ICA1L: variants seen among roughly 807,000 people sequenced by gnomAD.
ICA1L encodes islet cell autoantigen 1 like, also known as islet cell autoantigen 1-like protein.
ICA1L carries 50 observed loss-of-function variants against 61.3 expected under a neutral mutation model. That is an observed-to-expected ratio of 0.82 (90% CI 0.65 to 1.03). The LOEUF is 1.03. ICA1L is among the 50% of genes least tolerant of loss of function. The pLI is 0.00. For synonymous variants in ICA1L, 161 were observed against 191.3 expected (o/e 0.84, Z 1.31); for missense variants, 508 against 556.7 (o/e 0.91, Z 0.88).
chr2:202,809,731 G>A (rs1170216095), intron 9 of ICA1L, among the ~76,000 whole-genome samples: 4 of 151,986 alleles, frequency 2.6e-5, no homozygotes, highest in African/African-American at 9.7e-5. Flanking sequence ...AGAGGTTGCA[G>A]TGTGCCAAGA....
At chr2:202,790,169 T>TTTG (rs1692703630) in intron 10 of ICA1L, among the ~76,000 whole-genome samples, 1 of 152,152 alleles carries the variant, frequency 6.6e-6, no homozygotes, top group Non-Finnish European at 1.5e-5. Flanking sequence ...GGTCTTTAAA[T>TTTG]TTGTTGTAAT....
intron 9 of ICA1L, among the ~76,000 whole-genome samples, chr2:202,804,208 C>G (rs1231404500): frequency 6.6e-6 from 1 of 152,010 alleles, no homozygotes; most frequent in Non-Finnish European, 1.5e-5. Flanking sequence ...AAGCAACTTC[C>G]TCTTTTCCTA....
intron 1 of ICA1L, among the ~76,000 whole-genome samples, chr2:202,864,627 A>ATATGTGTGTGTG (rs1553539140): frequency 6.7e-6 from 1 of 150,286 alleles, no homozygotes; most frequent in African/African-American, 2.4e-5. Context: ...GTATATATAT[A>ATATGTGTGTGTG]TGTGTGTGTG....
intron 5 of ICA1L, among the ~76,000 whole-genome samples, chr2:202,818,487 G>A (rs1216651941): frequency 1.3e-5 from 2 of 152,146 alleles, no homozygotes; most frequent in Non-Finnish European, 2.9e-5. Context: ...GGGTTTTTAG[G>A]GTCCAGATAG....
intron 9 of ICA1L, among the ~76,000 whole-genome samples, chr2:202,806,412 C>T (rs1219773168): frequency 6.6e-6 from 1 of 152,076 alleles, no homozygotes; most frequent in Non-Finnish European, 1.5e-5. Flanking sequence ...TCAAATCCTT[C>T]CGAAGGCGGA....
chr2:202,818,101 G>A (rs1693589928), intron 5 of ICA1L, among the ~76,000 whole-genome samples: 1 of 152,178 alleles, frequency 6.6e-6, no homozygotes, highest in Non-Finnish European at 1.5e-5. Context: ...CTGAGATATT[G>A]TGGTGAACAA....
chr2:202,787,736 G>A (rs913816939), intron 11 of ICA1L, among the ~76,000 whole-genome samples: 7 of 152,316 alleles, frequency 4.6e-5, no homozygotes, highest in Admixed American at 3.9e-4. Flanking sequence ...AGTGCCGTGA[G>A]GGGTCCCCCC....
chr2:202,820,922 A>G (rs902426393), intron 4 of ICA1L, among the ~76,000 whole-genome samples: 4 of 152,222 alleles, frequency 2.6e-5, no homozygotes, highest in African/African-American at 9.6e-5. Context: ...AACTGAAATA[A>G]TAACTGGAAA....
At chr2:202,797,134 G>GTGTGTGTATATA (rs563633291) in intron 9 of ICA1L, among the ~76,000 whole-genome samples, 170 bp from the exon 10 acceptor site, 13,493 of 70,750 alleles carry the variant, frequency 0.19, 699 homozygotes, top group Non-Finnish European at 0.21. Context: ...AATCACATTT[G>GTGTGTGTATATA]TGTGTGTGTG....
At position 202,778,274 on chromosome 2, in the gene ICA1L, C is replaced by T. The variant is rs569483301; in HGVS notation, c.*1259G>A. 6.6e-6 allele frequency: 1 copy of T among 152,242 alleles called. No homozygotes were observed. The highest frequency in any genetic ancestry group is 1.9e-4 in the East Asian group (1 of 5,182). 9.4% of individuals were successfully genotyped at this position (152,242 alleles called of 1,614,324 possible). A position where few individuals can be genotyped will look rare whatever the true frequency, so the allele number is the denominator to read the frequency against. On this transcript the variant is annotated 3_prime_UTR_variant, in exon 13 of 13. Coordinates refer to ENST00000358299, the MANE Select transcript of ICA1L (RefSeq NM_001288622.3). ...AATTGCTTCAAAATTAAAGGGTGGG[C>T]AATTTAAAAGGACAGGAAATTGAGT...
chr2:202,794,954 C>T (rs1692877899), intron 10 of ICA1L, among the ~76,000 whole-genome samples: 1 of 142,494 alleles, frequency 7.0e-6, no homozygotes, highest in Non-Finnish European at 1.5e-5. Context: ...TAAAGCCCCA[C>T]AATTTTATAT....
chr2:202,776,874 TC>T lies in ICA1L; in HGVS notation c.*2658del, dbSNP rs1028937754. 7 of 152,102 alleles carry T rather than the reference TC, an allele frequency of 4.6e-5. No individual in the cohort carries two copies. Among genetic ancestry groups the T allele is most frequent in the African/African-American group, 1.7e-4 (7 of 41,410 alleles). The allele number at this position is 152,102 out of a possible 1,614,324, so 9.4% of individuals were successfully genotyped here. ...TTTGCTTTTGGAAAATTTAGGGTGT[TC>T]CTAGTATGGACTTTGGGTTTCTGCT... On this transcript the variant is annotated 3_prime_UTR_variant, in exon 13 of 13. Coordinates refer to ENST00000358299, the MANE Select transcript of ICA1L (RefSeq NM_001288622.3).
intron 1 of ICA1L, among the ~76,000 whole-genome samples, chr2:202,866,133 T>C (rs2105893552): frequency 6.6e-6 from 1 of 152,282 alleles, no homozygotes; most frequent in South Asian, 2.1e-4. Context: ...GTTTGGATGT[T>C]TGTCCCCTCC....
chr2:202,839,341 A>G (rs1467352139), intron 1 of ICA1L, among the ~76,000 whole-genome samples: 2 of 151,970 alleles, frequency 1.3e-5, no homozygotes, highest in African/African-American at 2.4e-5. Context: ...TCTACTAAAA[A>G]TATAAAAATT....
chr2:202,797,152 GTGTGTGTGTGTA>G lies in ICA1L; in HGVS notation c.911-200_911-189del, dbSNP rs1035672811. ...CACATTTGTGTGTGTGTGTGTGTGT[GTGTGTGTGTGTA>G]TATGTATATAAATGAAACATAATAC... On this transcript the variant is annotated intron_variant, in intron 9 of 12. Coordinates refer to ENST00000358299, the MANE Select transcript of ICA1L (RefSeq NM_001288622.3). Among the ~76,000 whole-genome samples, 12 of 130,424 alleles carry G rather than the reference GTGTGTGTGTGTA, an allele frequency of 9.2e-5. No homozygotes were observed. In the East Asian group the frequency reaches 1.1e-3, roughly 12 times the overall value. The allele number at this position is 130,424 out of a possible 152,430, so 85.6% of individuals were successfully genotyped here. A position where few individuals can be genotyped will look rare whatever the true frequency, so the allele number is the denominator to read the frequency against.
chr2:202,829,190 T>G, intron 1 of ICA1L, 174 bp from the exon 2 acceptor site: 1 of 374,106 alleles, frequency 2.7e-6, no homozygotes, highest in Non-Finnish European at 4.6e-6. Flanking sequence ...CTACTAAAAA[T>G]ACAAAAAAAA....
chr2:202,827,630 A>G (rs991728248), intron 2 of ICA1L, among the ~76,000 whole-genome samples: 3 of 152,198 alleles, frequency 2.0e-5, no homozygotes, highest in African/African-American at 2.4e-5. Context: ...TAACAATGTA[A>G]AACAATACCA....
At position 202,773,460 on chromosome 2, in the gene ICA1L, A is replaced by G. The variant is rs7598328; in HGVS notation, c.*6073T>C. 95,131 of 227,904 alleles carry G rather than the reference A, an allele frequency of 0.42. 21,200 individuals carry two copies. The highest frequency in any genetic ancestry group is 0.6 in the Middle Eastern group (359 of 594). The allele number at this position is 227,904 out of a possible 1,614,324, so 14.1% of individuals were successfully genotyped here. On this transcript the variant is annotated 3_prime_UTR_variant, in exon 13 of 13. Coordinates refer to ENST00000358299, the MANE Select transcript of ICA1L (RefSeq NM_001288622.3). ...AATAAGAAGTAGTCATCACATGTCA[A>G]TTAGGGATGTTTATCTCCAACAAGA...
chr2:202,811,701 C>T, intron 9 of ICA1L, 45 bp downstream of exon 9: 1 of 892,662 alleles, frequency 1.1e-6, no homozygotes, highest in Non-Finnish European at 1.8e-6. Flanking sequence ...ACTATTTTGA[C>T]ATTTAAAATG....
Sources: gnomAD v4.1 joint callset for allele counts (sites outside exome capture counted in the v4.1 genomes callset) on GRCh38, gnomAD v4.1.1 for gene constraint, MANE v1.5 for transcripts, NCBI Gene and HGNC (gene_info 2026-07-23, HGNC 2026-07-21) for gene names.